The following NGEF variants were observed in gnomAD, a reference collection of about 807,000 sequenced individuals.
NGEF encodes neuronal guanine nucleotide exchange factor.
A neutral mutation model predicts 80.9 loss-of-function variants in NGEF; 31 were observed. That is an observed-to-expected ratio of 0.38 (90% CI 0.29 to 0.52). NGEF has a LOEUF of 0.52. NGEF is among the 20% of genes least tolerant of loss of function. NGEF has a pLI of 0.84. For synonymous variants in NGEF, 371 were observed against 370.2 expected (o/e 1.00, Z -0.03); for missense variants, 709 against 926.2 (o/e 0.77, Z 3.04).
At chr2:232,898,644 G>C (rs1384472923) in intron 5 of NGEF, among the ~76,000 whole-genome samples, 3 of 152,200 alleles carry the variant, frequency 2.0e-5, no homozygotes, top group African/African-American at 7.2e-5. Flanking sequence ...AGGGATCCAG[G>C]CTCTGCTCGC....
chr2:232,920,682 G>A, intron 4 of NGEF, 97 bp from the exon 5 acceptor site: 1 of 1,276,068 alleles, frequency 7.8e-7, no homozygotes, highest in Non-Finnish European at 1.1e-6. Context: ...ATCAAGGGTG[G>A]CTGCTGTGTC....
chr2:232,976,589 C>T (rs1485574042), intron 1 of NGEF, among the ~76,000 whole-genome samples: 1 of 152,198 alleles, frequency 6.6e-6, no homozygotes, highest in Non-Finnish European at 1.5e-5. Flanking sequence ...CAGCTACTTC[C>T]GACACAGGTT....
At chr2:232,903,189 A>G (rs1014745702) in intron 5 of NGEF, among the ~76,000 whole-genome samples, 9 of 152,208 alleles carry the variant, frequency 5.9e-5, no homozygotes, top group Non-Finnish European at 1.2e-4. Context: ...CCCACTTAGC[A>G]ATTCCCTTAG....
At chr2:232,883,743 C>G (rs1691588630) in intron 11 of NGEF, among the ~76,000 whole-genome samples, 1 of 152,188 alleles carries the variant, frequency 6.6e-6, no homozygotes, top group Non-Finnish European at 1.5e-5. Flanking sequence ...CTGGGCTGGG[C>G]CCTTCACAGC....
At chr2:232,935,932 G>A (rs967070896) in intron 3 of NGEF, among the ~76,000 whole-genome samples, 1 of 152,120 alleles carries the variant, frequency 6.6e-6, no homozygotes, top group African/African-American at 2.4e-5. Flanking sequence ...AACACAGTAG[G>A]TTATTTTTGT....
chr2:232,902,286 CTA>C (rs1264185677), intron 5 of NGEF, among the ~76,000 whole-genome samples: 2 of 152,226 alleles, frequency 1.3e-5, no homozygotes, highest in African/African-American at 4.8e-5. Flanking sequence ...CCCTCAAAGG[CTA>C]TCCTCCTTCT....
chr2:232,976,917 G>A lies in NGEF; in HGVS notation c.-74-1953C>T, dbSNP rs973688812. On this transcript the variant is annotated intron_variant, in intron 1 of 14. Transcript: ENST00000264051. The stretch of plus-strand genomic sequence containing the variant: ...CGGTGAAGCCCCTTCCAACTAGAAA[G>A]CAACGCTGCTATTTCAGGTGGCCAG... 7.2e-5 allele frequency among the ~76,000 whole-genome samples: 11 copies of A among 152,202 alleles called. 1 individual carries two copies. Among genetic ancestry groups the A allele is most frequent in the Admixed American group, 5.9e-4 (9 of 15,286 alleles).
At chr2:232,995,559 GTATGTATACTGTA>G (rs1694810219) in intron 1 of NGEF, among the ~76,000 whole-genome samples, 1 of 53,948 alleles carries the variant, frequency 1.9e-5, no homozygotes, top group South Asian at 7.0e-4. Flanking sequence ...ACTATATACA[GTATGTATACTGTA>G]TATATATATA....
chr2:233,005,348 C>T (rs143737412), intron 1 of NGEF, among the ~76,000 whole-genome samples: 1 of 152,324 alleles, frequency 6.6e-6, no homozygotes, highest in Non-Finnish European at 1.5e-5. Flanking sequence ...ACCCCCAAAA[C>T]ACAGGCCCTG....
At chr2:232,883,075 A>ACG (rs1372794996) in intron 12 of NGEF, among the ~76,000 whole-genome samples, 100 of 139,314 alleles carry the variant, frequency 7.2e-4, no homozygotes, top group African/African-American at 2.0e-3. Flanking sequence ...ACACACACAC[A>ACG]CACACACGCA....
chr2:233,005,817 G>C (rs989137222), intron 1 of NGEF, among the ~76,000 whole-genome samples: 2 of 151,962 alleles, frequency 1.3e-5, no homozygotes, highest in Non-Finnish European at 2.9e-5. Flanking sequence ...TTTTTGATTT[G>C]TTTTGTTTTG....
intron 5 of NGEF, among the ~76,000 whole-genome samples, chr2:232,896,706 GGGGGT>G (rs1559197275): frequency 1.8e-4 from 10 of 54,452 alleles, no homozygotes; most frequent in Admixed American, 3.7e-4. Flanking sequence ...GGGTAGGGGT[GGGGGT>G]AGGGGTGAGT....
At chr2:233,004,457 G>A (rs1695046607) in intron 1 of NGEF, among the ~76,000 whole-genome samples, 1 of 152,226 alleles carries the variant, frequency 6.6e-6, no homozygotes, top group Admixed American at 6.5e-5. Context: ...ATCTGGGCTA[G>A]GAGCTGCCCT....
chr2:232,988,642 C>T (rs1415233862), intron 1 of NGEF, among the ~76,000 whole-genome samples: 2 of 152,310 alleles, frequency 1.3e-5, no homozygotes, highest in East Asian at 3.9e-4. Flanking sequence ...GATCTGCCTG[C>T]ACTGTAGGGA....
chr2:232,971,896 C>T (rs890976322), intron 2 of NGEF, among the ~76,000 whole-genome samples: 3 of 152,150 alleles, frequency 2.0e-5, no homozygotes, highest in Admixed American at 1.3e-4. Flanking sequence ...CCTTTTCTTG[C>T]AACCCTGAAA....
At chr2:232,917,208 C>A (rs1386386688) in intron 5 of NGEF, among the ~76,000 whole-genome samples, 1 of 152,212 alleles carries the variant, frequency 6.6e-6, no homozygotes, top group Non-Finnish European at 1.5e-5. Context: ...AACCAAGCTT[C>A]TACTGAATGT....
At chr2:232,970,477 G>T in intron 2 of NGEF, 149 bp from the exon 3 acceptor site, 2 of 563,148 alleles carry the variant, frequency 3.6e-6, no homozygotes, top group Non-Finnish European at 6.3e-6. Context: ...ACTCCCTGAA[G>T]GGGAGTTTGT....
chr2:232,997,407 G>A (rs369333362), intron 1 of NGEF, among the ~76,000 whole-genome samples: 203 of 152,200 alleles, frequency 1.3e-3, no homozygotes, highest in African/African-American at 4.5e-3. Flanking sequence ...AGACCAGGGC[G>A]GGGTCCTGAG....
At chr2:232,897,093 TG>T in intron 5 of NGEF, among the ~76,000 whole-genome samples, 1 of 21,302 alleles carries the variant, frequency 4.7e-5, no homozygotes, top group Admixed American at 5.0e-4. Flanking sequence ...AGGGTTGGGA[TG>T]GGGTGGGGGA....
Sources: gnomAD v4.1 joint callset for allele counts (sites outside exome capture counted in the v4.1 genomes callset) on GRCh38, gnomAD v4.1.1 for gene constraint, MANE v1.5 for transcripts, NCBI Gene and HGNC (gene_info 2026-07-23, HGNC 2026-07-21) for gene names.